Variants in IQCH observed in about 807,000 individuals in gnomAD.
The protein encoded by IQCH is IQ domain-containing protein H.
IQCH carries 98 observed loss-of-function variants against 117.0 expected under a neutral mutation model. The observed-to-expected ratio is 0.84, with a 90% CI of 0.71 to 0.99. The LOEUF (loss-of-function observed/expected upper bound fraction) is 0.99, where lower values mean the gene tolerates loss of function less well. IQCH is among the 50% of genes least tolerant of loss of function. The pLI, the probability that IQCH is intolerant of heterozygous loss-of-function variation, is 0.00. For missense variants in IQCH, 1,102 were observed against 1,243.8 expected (o/e 0.89, Z 1.72); for synonymous variants, 412 against 448.2 (o/e 0.92, Z 1.02).
At chr15:67,330,858 A>C (rs1968636914) in intron 4 of IQCH, among the ~76,000 whole-genome samples, 1 of 152,132 alleles carries the variant, frequency 6.6e-6, no homozygotes, top group Non-Finnish European at 1.5e-5. Flanking sequence ...CTGATGGAGG[A>C]TATTTCTCAA....
At chr15:67,286,217 A>G (rs1966556538) in intron 4 of IQCH, among the ~76,000 whole-genome samples, 1 of 151,968 alleles carries the variant, frequency 6.6e-6, no homozygotes, top group East Asian at 1.9e-4. Flanking sequence ...TACTGTCTTG[A>G]TTTCTTTTTC....
In IQCH at chr15:67,337,165, GC is replaced by G. The variant is rs1253815784; in HGVS notation, c.508+72del. On this transcript the variant is annotated intron_variant, in intron 5 of 20. Transcript: ENST00000335894. ...AAAGAGCATTGAGGTAGGATCGGAGGCCTGAATTTGGACTCTGGCTCAGCCA... is the reference window on the plus strand; with the variant it reads ...AAAGAGCATTGAGGTAGGATCGGAGGCTGAATTTGGACTCTGGCTCAGCCA... 3.9e-6 allele frequency: 6 copies of G among 1,554,540 alleles called. No homozygotes were observed. In the Admixed American group the frequency reaches 1.1e-4, roughly 27 times the overall value.
In IQCH at chr15:67,475,220, T is replaced by TA. The variant is rs968186907; in HGVS notation, c.2677-474dup. ...GGCCAGGTGTGGTGGCTCACGCCGG[T>TA]AATTCCAGCATTTTGGGAGGCCGAG... is the stretch of plus-strand genomic sequence containing the variant. On this transcript the variant is annotated intron_variant, in intron 17 of 20. Transcript: ENST00000335894. This position sits in a 1 kb window ranked among gnomAD's most constrained non-coding sequence, Gnocchi z 5.7. Among the ~76,000 whole-genome samples the TA allele has an allele frequency of 2.6e-5, 4 of 152,204 alleles. No individual in the cohort carries two copies. Among genetic ancestry groups the TA allele is most frequent in the African/African-American group, 9.6e-5 (4 of 41,460 alleles).
At chr15:67,325,711 A>C (rs955831744) in intron 4 of IQCH, among the ~76,000 whole-genome samples, 19 of 152,116 alleles carry the variant, frequency 1.2e-4, no homozygotes, top group Admixed American at 3.9e-4. Flanking sequence ...AAAATAAACA[A>C]TAACTTACTA....
chr15:67,451,059 C>T (rs1333773537), intron 16 of IQCH, among the ~76,000 whole-genome samples: 6 of 152,158 alleles, frequency 3.9e-5, no homozygotes, highest in South Asian at 4.2e-4. Context: ...TCTGTGGGAT[C>T]GGTGGTGATA....
At chr15:67,438,554 C>T (rs2082192794) in intron 16 of IQCH, among the ~76,000 whole-genome samples, 1 of 152,136 alleles carries the variant, frequency 6.6e-6, no homozygotes, top group Non-Finnish European at 1.5e-5. Context: ...GAAACAGTAC[C>T]TCATATTTCA....
In IQCH at chr15:67,472,959, A is replaced by G. The variant is rs1322348496; in HGVS notation, c.2677-2737A>G. Among the ~76,000 whole-genome samples, 1 of 152,196 alleles carries G rather than the reference A, an allele frequency of 6.6e-6. No individual in the cohort carries two copies. The highest frequency in any genetic ancestry group is 1.5e-5 in the Non-Finnish European group (1 of 68,032). ...TGCCCTTACATGTTGTCTAGTAATC[A>G]TGTACTACTGGACAGTAAGCTCTTC... On this transcript the variant is annotated intron_variant, in intron 17 of 20. Coordinates refer to ENST00000335894, the MANE Select transcript of IQCH (RefSeq NM_001031715.3). This position sits in a 1 kb window ranked among gnomAD's most constrained non-coding sequence, Gnocchi z 4.3.
Position 67,395,310 on chromosome 15 carries a change from C to T in IQCH, c.1652C>T (p.Ala551Val), listed in dbSNP as rs761248660. 2 of 1,613,146 alleles carry T rather than the reference C, an allele frequency of 1.2e-6. No homozygotes were observed. The highest frequency in any genetic ancestry group is 1.7e-5 in the Admixed American group (1 of 59,984). ...CCCCAGAAGCATCATATGTGCCTGG[C>T]CACTCACCTGATGTACAGTCCCAAG... ...NIFPKHHMCL[A>V]THLMYSPKAI... Residue 551 changes from alanine (A) to valine (V), a missense_variant, in exon 13 of 21, where the codon GCC becomes GTC. Ala to Val is a moderately conservative substitution (Grantham distance 64, BLOSUM62 0). Transcript: ENST00000335894. This position sits in a 1 kb window ranked among gnomAD's most constrained non-coding sequence, Gnocchi z 4.0.
At chr15:67,346,331 T>C (rs1969389371) in intron 6 of IQCH, among the ~76,000 whole-genome samples, 1 of 151,654 alleles carries the variant, frequency 6.6e-6, no homozygotes, top group South Asian at 2.1e-4. Context: ...AAAAAAATAC[T>C]ATAGAACAGT....
In IQCH at chr15:67,421,325, T is replaced by C. The variant is rs1316375467; in HGVS notation, c.2253T>C (p.Asn751=). 8 of 1,614,160 alleles carry C rather than the reference T, an allele frequency of 5.0e-6. No individual in the cohort carries two copies. The highest frequency in any genetic ancestry group is 1.3e-5 in the African/African-American group (1 of 75,058). ...TCGAAGCATTCCCACCTGCAGACAA[T>C]GTCACCAACCTCACAGTGGACATGC... ...GVIEAFPPAD[N]VTNLTVDMLI... The change falls in exon 16 of 21, where the codon AAT becomes AAC. Residue 751 remains asparagine, a synonymous_variant. Coordinates refer to ENST00000335894, the MANE Select transcript of IQCH (RefSeq NM_001031715.3).
rs150345169 is a variant in IQCH at position 67,329,700 on chromosome 15, C to T, written c.388-7275C>T. On this transcript the variant is annotated intron_variant, in intron 4 of 20. Transcript: ENST00000335894. ...CTTAGTCTGGTCTCGAACTCCTGGC[C>T]TTAAGCAATCCTCCCACATCACCCT... Among the ~76,000 whole-genome samples, 991 of 152,134 alleles carry T rather than the reference C, an allele frequency of 6.5e-3. 11 individuals are homozygous for T. The highest frequency in any genetic ancestry group is 0.023 in the African/African-American group (950 of 41,512).
In IQCH at chr15:67,373,426, A is replaced by G. The variant is rs746471028; in HGVS notation, c.1365A>G (p.Pro455=). The G allele has an allele frequency of 3.1e-6, 5 of 1,604,790 alleles. 1 individual carries two copies. The Middle Eastern group carries it at 4.9e-4, about 159-fold the overall frequency. Residue 455 remains proline, a synonymous_variant, in exon 10 of 21, where the codon CCA becomes CCG. Coordinates refer to ENST00000335894, the MANE Select transcript of IQCH (RefSeq NM_001031715.3). ...CCAGGAGGACTATTATCCATATCCC[A>G]TCATTAGGTATAACACTTTTGCCTG... ...RTSRRTIIHI[P]SLGYSQPVRE... is the part of the protein sequence containing the mutation.
chr15:67,319,229 AAAG>A (rs1967997474), intron 4 of IQCH, among the ~76,000 whole-genome samples: 1 of 152,236 alleles, frequency 6.6e-6, no homozygotes, highest in Non-Finnish European at 1.5e-5. Context: ...CTGTTGAAAG[AAAG>A]AAAGAGAAAG....
intron 10 of IQCH, chr15:67,373,682 T>C: frequency 3.4e-6 from 2 of 593,590 alleles, no homozygotes; most frequent in Non-Finnish European, 3.0e-6. Context: ...TAATTCGCTT[T>C]CATCTGTATG....
rs1283778798 is a variant in IQCH at position 67,423,902 on chromosome 15, GAA to G, written c.2505+2327_2505+2328del. 4.6e-5 allele frequency among the ~76,000 whole-genome samples: 7 copies of G among 151,776 alleles called. No individual in the cohort carries two copies. In the East Asian group the frequency reaches 7.7e-4, roughly 17 times the overall value. On this transcript the variant is annotated intron_variant, in intron 16 of 20. Transcript: ENST00000335894. Reference sequence around the variant, plus strand: ...AAAGGAAGAAGGAGAGTGAGAAAGAGAAAGGTAAAACTGTGGTCCCTGGGACA... The same window carrying G: ...AAAGGAAGAAGGAGAGTGAGAAAGAGAGGTAAAACTGTGGTCCCTGGGACA...
chr15:67,293,464 T>C (rs1295345044), intron 4 of IQCH, among the ~76,000 whole-genome samples: 3 of 152,238 alleles, frequency 2.0e-5, no homozygotes, highest in Non-Finnish European at 4.4e-5. Context: ...CTGTACACTT[T>C]AAATAATCGC....
intron 3 of IQCH, among the ~76,000 whole-genome samples, chr15:67,273,396 T>A (rs1965987876): frequency 6.6e-6 from 1 of 152,186 alleles, no homozygotes; most frequent in African/African-American, 2.4e-5. Flanking sequence ...GCCCATTGCT[T>A]TTTATTTCTA....
Position 67,475,788 on chromosome 15 carries a change from T to C in IQCH, c.2769T>C (p.Cys923=). The C allele has an allele frequency of 6.2e-7, 1 of 1,614,096 alleles. No homozygotes were observed. Among genetic ancestry groups the C allele is most frequent in the South Asian group, 1.1e-5 (1 of 91,076 alleles). The change falls in exon 18 of 21, where the codon TGT becomes TGC. Residue 923 remains cysteine (C), a synonymous_variant. Coordinates refer to ENST00000335894, the MANE Select transcript of IQCH (RefSeq NM_001031715.3). The surrounding 1 kb of genome is among the most constrained non-coding windows in gnomAD (Gnocchi z 5.7). ...LVFHYVFLQI[C]RAHGIGYDVE... is the part of the protein sequence containing the mutation. Reference sequence around the variant, plus strand: ...TCCACTATGTTTTTCTCCAGATCTGTAGGGCCCATGGCATTGGCTATGATG... The same window carrying C: ...TCCACTATGTTTTTCTCCAGATCTGCAGGGCCCATGGCATTGGCTATGATG...
chr15:67,349,809 C>T (rs954823502), intron 6 of IQCH, among the ~76,000 whole-genome samples: 2 of 152,078 alleles, frequency 1.3e-5, no homozygotes, highest in East Asian at 1.9e-4. Context: ...TAAATAGATA[C>T]ATGAAAGCAT....
Sources: gnomAD v4.1 joint callset for allele counts (sites outside exome capture counted in the v4.1 genomes callset) on GRCh38, gnomAD v4.1.1 for gene constraint, Gnocchi (gnomAD v3.1) non-coding constraint, MANE v1.5 for transcripts, NCBI Gene and HGNC (gene_info 2026-07-23, HGNC 2026-07-21) for gene names.